USP47: variants seen among roughly 807,000 people sequenced by gnomAD.
The protein encoded by USP47 is ubiquitin carboxyl-terminal hydrolase 47.
A neutral mutation model predicts 165.1 loss-of-function variants in USP47; 35 were observed. The observed-to-expected ratio is 0.21, with a 90% CI of 0.16 to 0.28. USP47 has a LOEUF of 0.28. Ranked by LOEUF, USP47 falls within the 10% of genes least tolerant of loss-of-function variation. The pLI, the probability that USP47 is intolerant of heterozygous loss-of-function variation, is 1.00. For missense variants in USP47, 1,277 were observed against 1,607.4 expected (o/e 0.79, Z 3.52); for synonymous variants, 531 against 544.5 (o/e 0.98, Z 0.35).
intron 1 of USP47, among the ~76,000 whole-genome samples, chr11:11,859,743 C>G (rs1367605193): frequency 6.6e-6 from 1 of 152,086 alleles, no homozygotes; most frequent in African/African-American, 2.4e-5. Context: ...CTAATAATAA[C>G]TTATTTTTGT....
At position 11,884,546 on chromosome 11, in the gene USP47, C is replaced by T. The variant is rs1285963063; in HGVS notation, c.323C>T (p.Thr108Ile). 2 of 1,610,834 alleles carry T rather than the reference C, an allele frequency of 1.2e-6. No individual in the cohort carries two copies. The highest frequency in any genetic ancestry group is 1.1e-5 in the South Asian group (1 of 90,356). ...GGAAAGAAGAACTTTCTGCATTTGACAGATAAAGATGGTGAACAACCTCAA... is the reference window on the plus strand; with the variant it reads ...GGAAAGAAGAACTTTCTGCATTTGATAGATAAAGATGGTGAACAACCTCAA... ...EPGKKNFLHL[T>I]DKDGEQPQIL... Residue 108 changes from threonine (T) to isoleucine (I), a missense_variant, in exon 3 of 28, where the codon ACA (threonine) becomes ATA (isoleucine). Thr to Ile is a moderately conservative substitution (Grantham distance 89, BLOSUM62 -1). Around this residue, in one of 4 missense-constraint regions of USP47, gnomAD observed 181 missense variants for 194.7 expected, o/e 0.93. Coordinates refer to ENST00000527733, the MANE Select transcript of USP47 (RefSeq NM_001282659.2).
At chr11:11,875,184 A>G (rs544140066) in intron 1 of USP47, among the ~76,000 whole-genome samples, 1 of 152,234 alleles carries the variant, frequency 6.6e-6, no homozygotes, top group Non-Finnish European at 1.5e-5. Context: ...GTACCTTCAT[A>G]ATTTTAAAAT....
chr11:11,937,871 A>G (rs367544998), intron 17 of USP47, among the ~76,000 whole-genome samples: 1 of 151,994 alleles, frequency 6.6e-6, no homozygotes, highest in East Asian at 1.9e-4. Flanking sequence ...TAAGAGTTTA[A>G]TTGTAAACAT....
chr11:11,908,797 G>A (rs1368175176), intron 8 of USP47, among the ~76,000 whole-genome samples: 3 of 151,944 alleles, frequency 2.0e-5, no homozygotes, highest in East Asian at 1.9e-4. Flanking sequence ...ATCCAAGTAC[G>A]GAATCAATAT....
At chr11:11,934,021 A>G in intron 16 of USP47, 86 bp downstream of exon 16, 1 of 932,282 alleles carries the variant, frequency 1.1e-6, no homozygotes, top group East Asian at 2.6e-5. Context: ...GATAATAGTT[A>G]TATAAACACT....
intron 1 of USP47, among the ~76,000 whole-genome samples, chr11:11,844,381 G>C (rs1403189060): frequency 1.3e-5 from 2 of 152,154 alleles, no homozygotes; most frequent in Non-Finnish European, 2.9e-5. Flanking sequence ...TCCGGGACAG[G>C]TCCTTTTAAA....
At chr11:11,903,737 A>G (rs958713516) in intron 7 of USP47, among the ~76,000 whole-genome samples, 1 of 152,166 alleles carries the variant, frequency 6.6e-6, no homozygotes. Flanking sequence ...CTTTATTTTG[A>G]CCAATGAAAT....
intron 8 of USP47, among the ~76,000 whole-genome samples, chr11:11,917,234 C>T (rs1257185226): frequency 6.6e-6 from 1 of 152,070 alleles, no homozygotes; most frequent in Non-Finnish European, 1.5e-5. Context: ...TCCAGAAATT[C>T]AAGAAAGTAC....
intron 18 of USP47, among the ~76,000 whole-genome samples, chr11:11,938,836 A>G (rs1380291690): frequency 2.0e-5 from 3 of 151,960 alleles, no homozygotes; most frequent in African/African-American, 4.8e-5. Flanking sequence ...GTGCAGTTGT[A>G]TGACTGGAAA....
intron 8 of USP47, among the ~76,000 whole-genome samples, chr11:11,907,756 C>T (rs1590350112): frequency 6.6e-6 from 1 of 152,182 alleles, no homozygotes; most frequent in East Asian, 1.9e-4. Context: ...AATTATTATT[C>T]TACCTTTTTT....
At chr11:11,937,699 T>G (rs1855173918) in intron 17 of USP47, among the ~76,000 whole-genome samples, 1 of 151,834 alleles carries the variant, frequency 6.6e-6, no homozygotes, top group Non-Finnish European at 1.5e-5. Flanking sequence ...TAAAGTAGTC[T>G]TTATTCATTA....
intron 20 of USP47, among the ~76,000 whole-genome samples, chr11:11,945,939 C>CA (rs1433609784): frequency 7.0e-6 from 1 of 142,592 alleles, no homozygotes; most frequent in African/African-American, 2.6e-5. Flanking sequence ...TGTCCCCCCC[C>CA]CAAAAAAAAA....
chr11:11,842,198 G>A lies in USP47; in HGVS notation c.13G>A (p.Glu5Lys), dbSNP rs761562169. The part of the protein sequence containing the change: MVPG[E>K]ENQLVPKEIE... ...GCCGGAGTCAGCGATGGTGCCCGGC[G>A]AGGAGAACCAACTGGTCCCGAAAGA... The change falls in exon 1 of 28, where the codon GAG (glutamate) becomes AAG (lysine). Residue 5 changes from glutamate (E) to lysine (K), a missense_variant. Glu to Lys is a moderately conservative substitution (Grantham distance 56). Around this residue, in one of 4 missense-constraint regions of USP47, gnomAD observed 181 missense variants for 194.7 expected, o/e 0.93. Transcript: ENST00000527733. 2 of 1,553,910 alleles carry A rather than the reference G, an allele frequency of 1.3e-6. No individual in the cohort carries two copies. The highest frequency in any genetic ancestry group is 1.7e-4 in the Middle Eastern group (1 of 6,016).
intron 8 of USP47, 69 bp from the exon 9 acceptor site, chr11:11,920,087 T>C: frequency 8.2e-7 from 1 of 1,214,964 alleles, no homozygotes; most frequent in Non-Finnish European, 1.1e-6. Context: ...ATTACAGTCT[T>C]TTTTATTCAG....
chr11:11,938,662 A>G (rs903384720), intron 18 of USP47, among the ~76,000 whole-genome samples: 1 of 152,038 alleles, frequency 6.6e-6, no homozygotes, highest in Non-Finnish European at 1.5e-5. Context: ...AGTAAACACG[A>G]AAGTTTGGGC....
chr11:11,917,665 A>G (rs1317798396), intron 8 of USP47, among the ~76,000 whole-genome samples: 1 of 152,086 alleles, frequency 6.6e-6, no homozygotes, highest in Non-Finnish European at 1.5e-5. Flanking sequence ...TGGGAAAAAA[A>G]GAGGTCCAAG....
intron 5 of USP47, among the ~76,000 whole-genome samples, chr11:11,900,448 C>T (rs963222201): frequency 3.3e-5 from 5 of 152,206 alleles, no homozygotes; most frequent in African/African-American, 4.8e-5. Context: ...GCGTGAGCCA[C>T]CGCGCCCGGC....
chr11:11,881,057 T>C (rs1287655976), intron 2 of USP47, among the ~76,000 whole-genome samples: 1 of 152,190 alleles, frequency 6.6e-6, no homozygotes, highest in Non-Finnish European at 1.5e-5. Context: ...TATATTTAGT[T>C]TCTCTCTTTC....
At chr11:11,916,576 C>T (rs914384649) in intron 8 of USP47, among the ~76,000 whole-genome samples, 2 of 151,196 alleles carry the variant, frequency 1.3e-5, no homozygotes, top group African/African-American at 4.9e-5. Flanking sequence ...TTAAAAAATG[C>T]TCAAGAGAAA....
Sources: allele counts gnomAD v4.1 joint callset (sites outside exome capture counted in the v4.1 genomes callset), GRCh38; gene constraint gnomAD v4.1.1; regional missense constraint gnomAD v4.1.1; transcripts MANE v1.5; gene names NCBI Gene and HGNC (gene_info 2026-07-23, HGNC 2026-07-21).